Variants in ANKRD30B observed in about 807,000 individuals in gnomAD.
ANKRD30B encodes ankyrin repeat domain 30B, also known as ankyrin repeat domain-containing protein 30B.
ANKRD30B carries 144 observed loss-of-function variants against 202.2 expected under a neutral mutation model. The observed-to-expected ratio is 0.71, with a 90% CI of 0.62 to 0.82. ANKRD30B has a LOEUF of 0.82. Ranked by LOEUF, ANKRD30B falls within the 40% of genes least tolerant of loss-of-function variation. ANKRD30B has a pLI of 0.00. For missense variants in ANKRD30B, 1,487 were observed against 1,669.1 expected, an observed-to-expected ratio of 0.89 and a Z score of 1.90; for synonymous variants, 508 against 561.3, an observed-to-expected ratio of 0.91 and a Z score of 1.34.
chr18:14,818,108 A>G (rs1490489994), intron 30 of ANKRD30B, among the ~76,000 whole-genome samples: 3 of 152,178 alleles, frequency 2.0e-5, no homozygotes, highest in South Asian at 2.1e-4. Flanking sequence ...ATATTATTTG[A>G]TGAAAGGAGA....
At chr18:14,835,834 G>A (rs1971149133) in intron 34 of ANKRD30B, among the ~76,000 whole-genome samples, 1 of 151,858 alleles carries the variant, frequency 6.6e-6, no homozygotes, top group African/African-American at 2.4e-5. Flanking sequence ...CTATGGGTAA[G>A]CATTTCTCTT....
chr18:14,903,920 T>C, the ANKRD30B span, among the ~76,000 whole-genome samples: 2 of 152,230 alleles, frequency 1.3e-5, no homozygotes, highest in Non-Finnish European at 2.9e-5. Context: ...GATACCTGTG[T>C]AAGCTATTAT....
chr18:14,828,621 A>G (rs149087859), intron 33 of ANKRD30B, among the ~76,000 whole-genome samples: 51 of 152,282 alleles, frequency 3.3e-4, no homozygotes, highest in African/African-American at 1.2e-3. Flanking sequence ...CTTGGCATAG[A>G]TTGATGGAGA....
At chr18:14,757,759 A>C in intron 4 of ANKRD30B, 56 bp from the exon 5 acceptor site, 1 of 1,570,100 alleles carries the variant, frequency 6.4e-7, no homozygotes, top group African/African-American at 1.4e-5. Context: ...TTCTACACTG[A>C]TAGGCACATA....
intron 7 of ANKRD30B, 65 bp from the exon 8 acceptor site, chr18:14,769,278 T>A: frequency 7.8e-7 from 1 of 1,286,104 alleles, no homozygotes; most frequent in Non-Finnish European, 1.1e-6. Context: ...TCTTACGTTG[T>A]TAATACTCTG....
intron 34 of ANKRD30B, among the ~76,000 whole-genome samples, chr18:14,836,359 G>C (rs1179505023): frequency 6.6e-6 from 1 of 152,060 alleles, no homozygotes. Flanking sequence ...GCCATGAAAT[G>C]CTCAAGCACT....
the ANKRD30B span, among the ~76,000 whole-genome samples, chr18:14,896,683 G>T: frequency 1.4e-5 from 2 of 144,298 alleles, no homozygotes; most frequent in Non-Finnish European, 3.0e-5. Context: ...TGTGAAATAT[G>T]GACAGTAAGG....
intron 30 of ANKRD30B, among the ~76,000 whole-genome samples, chr18:14,819,489 GT>G (rs1327465570): frequency 6.6e-6 from 1 of 151,800 alleles, no homozygotes; most frequent in African/African-American, 2.4e-5. Flanking sequence ...GGTTTTTATG[GT>G]TTTAGGTCTA....
the ANKRD30B span, among the ~76,000 whole-genome samples, chr18:14,906,301 C>T: frequency 6.6e-6 from 1 of 152,144 alleles, no homozygotes; most frequent in Non-Finnish European, 1.5e-5. Flanking sequence ...CTTGTGTTCT[C>T]TGTCCTCTCT....
At position 14,837,276 on chromosome 18, in the gene ANKRD30B, A is replaced by G; in HGVS notation, c.2913A>G (p.Pro971=). ...ERDIGIIERA[P]QDQTNKMPTS... ...ATATTGGCATTATTGAACGAGCTCC[A>G]CAAGATCAAACAAGTAATGACAATT... Residue 971 remains proline, a synonymous_variant, in exon 35 of 44, where the codon CCA becomes CCG. Coordinates refer to ENST00000690538, the MANE Select transcript of ANKRD30B (RefSeq NM_001367607.2). 1 of 1,544,638 alleles carries G rather than the reference A, an allele frequency of 6.5e-7. No homozygotes were observed. The highest frequency in any genetic ancestry group is 8.7e-7 in the Non-Finnish European group (1 of 1,143,654).
the ANKRD30B span, among the ~76,000 whole-genome samples, chr18:14,940,578 G>A: frequency 1.3e-5 from 2 of 152,320 alleles, no homozygotes; most frequent in Admixed American, 1.3e-4. Context: ...AACAGCCTTG[G>A]GTTGAACTTG....
chr18:14,749,501 G>C lies in ANKRD30B; in HGVS notation c.221+861G>C, dbSNP rs141069657. Among the ~76,000 whole-genome samples, 74 of 151,826 alleles carry C rather than the reference G, an allele frequency of 4.9e-4. 1 individual carries two copies. The East Asian group carries it at 0.014, about 28-fold the overall frequency. On this transcript the variant is annotated intron_variant, in intron 1 of 43. Transcript: ENST00000690538. The stretch of plus-strand genomic sequence containing the variant: ...AGCCTGGCCAATATGGTGAAACACC[G>C]TCTCTACAAAAATACAAAAATTAGC...
chr18:14,791,506 T>G lies in ANKRD30B; in HGVS notation c.1825+15T>G, dbSNP rs759740579. On this transcript the variant is annotated intron_variant, in intron 16 of 43. Transcript: ENST00000690538. ...AAAATTAGAAGGTAAGAACCATTTT[T>G]TAATTAAAAAGTCATTTGACCAAAT... 5 of 1,588,126 alleles carry G rather than the reference T, an allele frequency of 3.1e-6. No individual in the cohort carries two copies. The African/African-American group carries it at 4.1e-5, about 13-fold the overall frequency.
intron 14 of ANKRD30B, among the ~76,000 whole-genome samples, chr18:14,785,014 T>TTGTG (rs890380567): frequency 6.6e-6 from 1 of 151,552 alleles, no homozygotes; most frequent in Admixed American, 6.6e-5. Flanking sequence ...GTGTTTGTGT[T>TTGTG]TGTGTGTGTG....
chr18:14,791,737 A>G (rs1568015792), intron 16 of ANKRD30B, among the ~76,000 whole-genome samples: 1 of 152,150 alleles, frequency 6.6e-6, no homozygotes, highest in Admixed American at 6.5e-5. Flanking sequence ...GAAAATGAGA[A>G]AATAAGAAAG....
chr18:14,935,352 G>T, the ANKRD30B span, among the ~76,000 whole-genome samples: 1 of 152,212 alleles, frequency 6.6e-6, no homozygotes, highest in African/African-American at 2.4e-5. Context: ...AGCAGAGACA[G>T]CCCTGGGCCT....
At chr18:14,818,824 G>A (rs1337609943) in intron 30 of ANKRD30B, among the ~76,000 whole-genome samples, 4 of 151,918 alleles carry the variant, frequency 2.6e-5, no homozygotes, top group African/African-American at 4.8e-5. Flanking sequence ...ATAAACATAC[G>A]TGTGCATGTG....
chr18:14,892,162 T>G, the ANKRD30B span, among the ~76,000 whole-genome samples: 1 of 152,260 alleles, frequency 6.6e-6, no homozygotes, highest in Non-Finnish European at 1.5e-5. Context: ...TCCCTTTATT[T>G]AATATATTTT....
At chr18:14,775,730 G>C (rs867487635) in intron 9 of ANKRD30B, among the ~76,000 whole-genome samples, 1 of 152,308 alleles carries the variant, frequency 6.6e-6, no homozygotes, top group Middle Eastern at 3.4e-3. Context: ...TCACAACTGT[G>C]GATGTGGAAG....
Sources: allele counts gnomAD v4.1 joint callset (sites outside exome capture counted in the v4.1 genomes callset), GRCh38; gene constraint gnomAD v4.1.1; transcripts MANE v1.5; gene names NCBI Gene and HGNC (gene_info 2026-07-23, HGNC 2026-07-21).